SLIT2: variants seen among roughly 807,000 people sequenced by gnomAD.
SLIT2 encodes slit guidance ligand 2, also known as slit homolog 2 protein.
SLIT2 carries 41 observed loss-of-function variants against 185.7 expected under a neutral mutation model. The ratio of observed to expected loss-of-function variants is 0.22; its 90% CI spans 0.17 to 0.29. The LOEUF (loss-of-function observed/expected upper bound fraction) is 0.29, where lower values mean the gene tolerates loss of function less well. Among genes scored for constraint, SLIT2 ranks in the 10% least tolerant of loss-of-function variants. SLIT2 has a pLI of 1.00. For missense variants in SLIT2, 1,571 were observed against 1,909.0 expected (o/e 0.82, Z 3.30); for synonymous variants, 693 against 680.2 (o/e 1.02, Z -0.29).
intron 4 of SLIT2, among the ~76,000 whole-genome samples, chr4:20,277,498 A>G (rs1182508963): frequency 6.6e-6 from 1 of 151,812 alleles, no homozygotes. Context: ...TTTACATTAT[A>G]CATTTTCTAG....
At chr4:20,589,292 T>G (rs1005037881) in intron 29 of SLIT2, among the ~76,000 whole-genome samples, 1 of 152,162 alleles carries the variant, frequency 6.6e-6, no homozygotes, top group Non-Finnish European at 1.5e-5. Context: ...TTATTCATCC[T>G]TTGGGTCTAT....
intron 4 of SLIT2, among the ~76,000 whole-genome samples, chr4:20,291,448 A>ATT (rs1715808620): frequency 3.0e-5 from 1 of 33,686 alleles, no homozygotes; most frequent in Non-Finnish European, 5.2e-5. Context: ...AAGAAACCTC[A>ATT]TATATATATA....
At chr4:20,612,245 GAAAAAAA>G (rs139866324) in intron 34 of SLIT2, among the ~76,000 whole-genome samples, 1 of 56,236 alleles carries the variant, frequency 1.8e-5, no homozygotes, top group Non-Finnish European at 3.7e-5. Context: ...ACTATCTCAA[GAAAAAAA>G]AAAAAAAAAA....
At chr4:20,384,993 G>T (rs1389343262) in intron 4 of SLIT2, among the ~76,000 whole-genome samples, 1 of 152,148 alleles carries the variant, frequency 6.6e-6, no homozygotes, top group African/African-American at 2.4e-5. Flanking sequence ...AATCTTTACA[G>T]TCATTCTGCT....
In SLIT2 at chr4:20,410,249, T is replaced by TC. The variant is rs1390913388; in HGVS notation, c.396-57503_396-57502insC. 6.3e-3 allele frequency among the ~76,000 whole-genome samples: 825 copies of TC among 131,990 alleles called. 15 individuals carry two copies. The highest frequency in any genetic ancestry group is 0.022 in the African/African-American group (777 of 35,422). 86.6% of individuals were successfully genotyped at this position (131,990 alleles called of 152,430 possible). ...TTTTTCTTTTCTTTCTTTTCTTTTT[T>TC]TTTTTTTTTTTTTTTTTGAGACAGA... is the stretch of plus-strand genomic sequence containing the variant. On this transcript the variant is annotated intron_variant, in intron 4 of 36. Coordinates refer to ENST00000504154, the MANE Select transcript of SLIT2 (RefSeq NM_004787.4).
chr4:20,438,489 A>G lies in SLIT2; in HGVS notation c.396-29263A>G, dbSNP rs115494745. On this transcript the variant is annotated intron_variant, in intron 4 of 36. Coordinates refer to ENST00000504154, the MANE Select transcript of SLIT2 (RefSeq NM_004787.4). ...CAATCATGAAAACAGTACAGGAAAG[A>G]CCCACTCCCATGATTCAATCATCTC... Among the ~76,000 whole-genome samples the G allele has an allele frequency of 4.4e-3, 676 of 152,096 alleles. 5 individuals carry two copies. Among genetic ancestry groups the G allele is most frequent in the African/African-American group, 0.016 (649 of 41,494 alleles).
intron 4 of SLIT2, among the ~76,000 whole-genome samples, chr4:20,447,708 G>T (rs1167630291): frequency 1.3e-5 from 2 of 152,162 alleles, no homozygotes; most frequent in East Asian, 1.9e-4. Context: ...GTTTGTCAAG[G>T]CCTGGCTAGG....
At chr4:20,515,335 G>T (rs1272351491) in intron 11 of SLIT2, among the ~76,000 whole-genome samples, 1 of 152,156 alleles carries the variant, frequency 6.6e-6, no homozygotes, top group African/African-American at 2.4e-5. Context: ...TTATCCCAGA[G>T]AATCTTTCTT....
intron 4 of SLIT2, among the ~76,000 whole-genome samples, chr4:20,428,101 A>G (rs1188555228): frequency 2.0e-5 from 3 of 152,232 alleles, no homozygotes; most frequent in African/African-American, 7.2e-5. Flanking sequence ...ATTTAAACCC[A>G]TGTTTGACTC....
At chr4:20,506,394 T>A (rs1205057057) in intron 9 of SLIT2, among the ~76,000 whole-genome samples, 1 of 151,996 alleles carries the variant, frequency 6.6e-6, no homozygotes, top group Non-Finnish European at 1.5e-5. Flanking sequence ...TGTTTTTAAT[T>A]AGGTTCTTTA....
intron 9 of SLIT2, 49 bp from the exon 10 acceptor site, chr4:20,510,446 T>A: frequency 8.8e-7 from 1 of 1,142,400 alleles, no homozygotes; most frequent in Non-Finnish European, 1.3e-6. Context: ...ATTAAACATG[T>A]CCGAAGGTTC....
At chr4:20,574,464 A>G (rs1725904043) in intron 29 of SLIT2, among the ~76,000 whole-genome samples, 1 of 152,160 alleles carries the variant, frequency 6.6e-6, no homozygotes, top group African/African-American at 2.4e-5. Flanking sequence ...TTGTATCTGA[A>G]GCATTTGCAG....
chr4:20,580,018 T>C (rs1726407841), intron 29 of SLIT2, among the ~76,000 whole-genome samples: 3 of 143,732 alleles, frequency 2.1e-5, no homozygotes, highest in Admixed American at 7.3e-5. Context: ...TATAATATAT[T>C]ATTATATATA....
At chr4:20,519,143 A>G in intron 11 of SLIT2, among the ~76,000 whole-genome samples, 1 of 152,172 alleles carries the variant, frequency 6.6e-6, no homozygotes, top group African/African-American at 2.4e-5. Flanking sequence ...AGTGGAAATG[A>G]TATATACATA....
intron 6 of SLIT2, among the ~76,000 whole-genome samples, chr4:20,485,638 T>A (rs1717150983): frequency 6.6e-6 from 1 of 152,182 alleles, no homozygotes; most frequent in Non-Finnish European, 1.5e-5. Context: ...CATCCCCACC[T>A]GGTGCAAGTA....
At chr4:20,580,047 TTATATATTATGTATATATTA>T (rs994223795) in intron 29 of SLIT2, among the ~76,000 whole-genome samples, 17 of 130,674 alleles carry the variant, frequency 1.3e-4, no homozygotes, top group Admixed American at 2.8e-4. Context: ...TATGTATATA[TTATATATTATGTATATATTA>T]TATATATATA....
chr4:20,530,621 T>C (rs1017010038), intron 16 of SLIT2, among the ~76,000 whole-genome samples: 6 of 152,186 alleles, frequency 3.9e-5, no homozygotes, highest in Non-Finnish European at 8.8e-5. Flanking sequence ...GGAGGAATTA[T>C]AGTGGAAACT....
chr4:20,317,319 A>AG (rs1560311586), intron 4 of SLIT2, among the ~76,000 whole-genome samples: 1 of 149,652 alleles, frequency 6.7e-6, no homozygotes, highest in Admixed American at 6.7e-5. Context: ...AGAAAAAAAA[A>AG]CAAAACTGAG....
chr4:20,465,137 A>C (rs1304280663), intron 4 of SLIT2, among the ~76,000 whole-genome samples: 1 of 152,182 alleles, frequency 6.6e-6, no homozygotes, highest in African/African-American at 2.4e-5. Context: ...AGACTATAGG[A>C]AGGACATACT....
Sources: allele counts gnomAD v4.1 joint callset (sites outside exome capture counted in the v4.1 genomes callset), GRCh38; gene constraint gnomAD v4.1.1; transcripts MANE v1.5; gene names NCBI Gene and HGNC (gene_info 2026-07-23, HGNC 2026-07-21).